The following PHACTR1 variants were observed in gnomAD, a reference collection of about 807,000 sequenced individuals.
PHACTR1 encodes the protein RPEL repeat containing 1.
A neutral mutation model predicts 69.2 loss-of-function variants in PHACTR1; 16 were observed. The observed-to-expected ratio is 0.23, with a 90% CI of 0.16 to 0.35. The LOEUF is 0.35. PHACTR1 is among the 10% of genes least tolerant of loss of function. PHACTR1 has a pLI of 1.00. For synonymous variants in PHACTR1, 312 were observed against 284.5 expected (o/e 1.10, Z -0.97); for missense variants, 510 against 734.7 (o/e 0.69, Z 3.54).
chr6:13,280,269 C>CT (rs1363239971), intron 12 of PHACTR1: 2 of 152,494 alleles, frequency 1.3e-5, no homozygotes, highest in Non-Finnish European at 2.9e-5. Context: ...CTCACCTCTC[C>CT]TTTCTTCTCC....
chr6:12,769,314 A>C (rs1769083663), intron 4 of PHACTR1, among the ~76,000 whole-genome samples: 1 of 152,258 alleles, frequency 6.6e-6, no homozygotes, highest in Non-Finnish European at 1.5e-5. Flanking sequence ...GAAACATCAC[A>C]TCTCATAAAT....
intron 4 of PHACTR1, among the ~76,000 whole-genome samples, chr6:12,839,880 C>G (rs1412743): frequency 0.2 from 29,645 of 151,858 alleles, 3,153 homozygotes; most frequent in African/African-American, 0.28. Context: ...GAGTGTAGAG[C>G]GAACACGGCC....
intron 4 of PHACTR1, among the ~76,000 whole-genome samples, chr6:12,928,288 T>C (rs9369654): frequency 0.17 from 26,282 of 152,122 alleles, 5,239 homozygotes; most frequent in African/African-American, 0.49. Flanking sequence ...GTTTTCGCTA[T>C]GTGTGTTAGA....
intron 4 of PHACTR1, among the ~76,000 whole-genome samples, chr6:12,955,923 G>T (rs981934283): frequency 6.6e-6 from 1 of 152,168 alleles, no homozygotes; most frequent in Non-Finnish European, 1.5e-5. Context: ...TGACCTCAGG[G>T]GGGTATGTGG....
At chr6:12,981,510 C>T (rs886692142) in intron 4 of PHACTR1, among the ~76,000 whole-genome samples, 12 of 152,182 alleles carry the variant, frequency 7.9e-5, no homozygotes, top group African/African-American at 2.2e-4. Flanking sequence ...AGATTTTTAT[C>T]GTGCTTACGT....
At chr6:13,243,656 TGGG>T (rs1260266653) in intron 10 of PHACTR1, among the ~76,000 whole-genome samples, 2 of 152,044 alleles carry the variant, frequency 1.3e-5, no homozygotes, top group Non-Finnish European at 2.9e-5. Context: ...TTCCATATAG[TGGG>T]GGTTTGGTTT....
chr6:13,199,415 T>C (rs949008902), intron 7 of PHACTR1, among the ~76,000 whole-genome samples: 7 of 135,256 alleles, frequency 5.2e-5, no homozygotes, highest in Middle Eastern at 4.1e-3. Flanking sequence ...AAAAAAAACA[T>C]TGGCATCTTG....
chr6:12,932,399 T>A (rs983609148), intron 4 of PHACTR1, among the ~76,000 whole-genome samples: 1 of 152,166 alleles, frequency 6.6e-6, no homozygotes, highest in African/African-American at 2.4e-5. Context: ...TTCCCAAATA[T>A]CTCCAAGGAT....
intron 4 of PHACTR1, among the ~76,000 whole-genome samples, chr6:12,828,574 C>T (rs1457625127): frequency 6.6e-6 from 1 of 151,884 alleles, no homozygotes; most frequent in Non-Finnish European, 1.5e-5. Context: ...ATATTCTTGC[C>T]AAAAGAGAAG....
intron 8 of PHACTR1, among the ~76,000 whole-genome samples, chr6:13,208,886 G>T (rs994267496): frequency 1.3e-5 from 2 of 151,546 alleles, no homozygotes; most frequent in Admixed American, 6.6e-5. Flanking sequence ...GAATTTTGGT[G>T]GGGGCAGGGT....
intron 4 of PHACTR1, among the ~76,000 whole-genome samples, chr6:13,007,971 G>A (rs961483725): frequency 1.1e-4 from 16 of 151,844 alleles, no homozygotes; most frequent in African/African-American, 3.9e-4. Flanking sequence ...AAGTTTCAGG[G>A]AAACAAACCT....
At chr6:13,078,834 CA>C (rs1466960632) in intron 5 of PHACTR1, among the ~76,000 whole-genome samples, 1 of 152,098 alleles carries the variant, frequency 6.6e-6, no homozygotes, top group African/African-American at 2.4e-5. Context: ...AGAGAAAGAA[CA>C]AGTAAAGGCA....
chr6:13,119,385 A>G (rs1818347263), intron 5 of PHACTR1, among the ~76,000 whole-genome samples: 1 of 152,230 alleles, frequency 6.6e-6, no homozygotes, highest in African/African-American at 2.4e-5. Context: ...CACTTTTCTC[A>G]CAACATCAGA....
intron 5 of PHACTR1, among the ~76,000 whole-genome samples, chr6:13,140,924 A>G (rs756614914): frequency 1.3e-5 from 2 of 152,162 alleles, no homozygotes; most frequent in Non-Finnish European, 1.5e-5. Flanking sequence ...TAATTTATCT[A>G]TTTAGCTCTG....
chr6:12,756,503 T>C (rs1409974027), intron 4 of PHACTR1, among the ~76,000 whole-genome samples: 1 of 152,200 alleles, frequency 6.6e-6, no homozygotes, highest in African/African-American at 2.4e-5. Context: ...TTTATGGCCT[T>C]GTTGAATGAT....
chr6:13,161,639 T>A (rs1327305113), intron 6 of PHACTR1, among the ~76,000 whole-genome samples: 1 of 152,230 alleles, frequency 6.6e-6, no homozygotes, highest in East Asian at 1.9e-4. Flanking sequence ...TCGTGTGTTC[T>A]ACTACAACGA....
At chr6:13,086,716 T>C (rs987508925) in intron 5 of PHACTR1, among the ~76,000 whole-genome samples, 6 of 152,304 alleles carry the variant, frequency 3.9e-5, no homozygotes, top group East Asian at 3.9e-4. Flanking sequence ...ATTTGACCAG[T>C]TGAAAGACTT....
chr6:12,738,000 T>C (rs1478151287), intron 3 of PHACTR1, among the ~76,000 whole-genome samples: 1 of 152,192 alleles, frequency 6.6e-6, no homozygotes, highest in Non-Finnish European at 1.5e-5. Flanking sequence ...TTTTGTCAGT[T>C]GACCCAAAAA....
At chr6:13,099,106 C>A (rs1175857871) in intron 5 of PHACTR1, among the ~76,000 whole-genome samples, 1 of 152,238 alleles carries the variant, frequency 6.6e-6, no homozygotes, top group African/African-American at 2.4e-5. Flanking sequence ...GGCTCTGTGG[C>A]CTCTGCATGT....
Sources: gnomAD v4.1 joint callset for allele counts (sites outside exome capture counted in the v4.1 genomes callset) on GRCh38, gnomAD v4.1.1 for gene constraint, MANE v1.5 for transcripts, NCBI Gene and HGNC (gene_info 2026-07-23, HGNC 2026-07-21) for gene names.